BMPR1A: variants seen among roughly 807,000 people sequenced by gnomAD.
BMPR1A encodes the protein bone morphogenetic protein receptor type 1A, also known as bone morphogenetic protein receptor type-1A.
In BMPR1A, 7 loss-of-function variants were observed where a neutral mutation model predicts 66.0. The ratio of observed to expected loss-of-function variants is 0.11; its 90% CI spans 0.06 to 0.20. The LOEUF is 0.20. Among genes scored for constraint, BMPR1A ranks in the 10% least tolerant of loss-of-function variants. BMPR1A has a pLI of 1.00. For synonymous variants in BMPR1A, 200 were observed against 229.7 expected (o/e 0.87, Z 1.17); for missense variants, 408 against 669.1 (o/e 0.61, Z 4.31).
chr10:86,826,735 T>C (rs918920398), intron 1 of BMPR1A, among the ~76,000 whole-genome samples: 1 of 151,988 alleles, frequency 6.6e-6, no homozygotes, highest in African/African-American at 2.4e-5. Flanking sequence ...TTTGTTTTAA[T>C]ATACTTCTGT....
chr10:86,855,813 T>G, intron 2 of BMPR1A: 1 of 1,100,950 alleles, frequency 9.1e-7, no homozygotes, highest in Non-Finnish European at 1.3e-6. Flanking sequence ...CCTGGTAGAA[T>G]GGAGGAAACA....
At chr10:86,852,470 A>AT (rs1842584276) in intron 2 of BMPR1A, among the ~76,000 whole-genome samples, 1 of 152,144 alleles carries the variant, frequency 6.6e-6, no homozygotes, top group South Asian at 2.1e-4. Context: ...GAAAGCTGAG[A>AT]TGGGAGGATT....
At chr10:86,873,436 A>AT (rs1478995982) in intron 2 of BMPR1A, among the ~76,000 whole-genome samples, 1 of 143,964 alleles carries the variant, frequency 6.9e-6, no homozygotes, top group Non-Finnish European at 1.5e-5. Flanking sequence ...CCCCTATTAA[A>AT]TTAAAAAAAA....
At chr10:86,781,748 A>C (rs1053213288) in intron 1 of BMPR1A, among the ~76,000 whole-genome samples, 3 of 151,588 alleles carry the variant, frequency 2.0e-5, no homozygotes, top group Non-Finnish European at 4.4e-5. Flanking sequence ...ATTATTTAAG[A>C]TACCTCATGT....
At chr10:86,895,259 G>A (rs529849449) in intron 5 of BMPR1A, among the ~76,000 whole-genome samples, 5 of 152,138 alleles carry the variant, frequency 3.3e-5, no homozygotes, top group African/African-American at 4.8e-5. Context: ...GCTGATCGTG[G>A]TGGCACGGTG....
At chr10:86,797,832 C>T (rs372626103) in intron 1 of BMPR1A, among the ~76,000 whole-genome samples, 1 of 151,966 alleles carries the variant, frequency 6.6e-6, no homozygotes, top group East Asian at 1.9e-4. Flanking sequence ...TGCATGAGAC[C>T]CGGAAGATGT....
intron 1 of BMPR1A, among the ~76,000 whole-genome samples, chr10:86,820,724 G>A (rs1564694915): frequency 1.3e-5 from 2 of 152,184 alleles, no homozygotes; most frequent in Non-Finnish European, 2.9e-5. Context: ...TGCCTGTTTA[G>A]CACCTGTCAC....
chr10:86,924,605 C>T lies in BMPR1A; in HGVS notation c.*886C>T, dbSNP rs149499991. 16,193 of 233,044 alleles carry T rather than the reference C, an allele frequency of 0.069. 217 individuals carry two copies. The highest frequency in any genetic ancestry group is 0.11 in the Middle Eastern group (86 of 784). The allele number at this position is 233,044 out of a possible 1,614,324, so 14.4% of individuals were successfully genotyped here. A position where few individuals can be genotyped will look rare whatever the true frequency, so the allele number is the denominator to read the frequency against. ...ATGAACCATGCTTACAAAGAAAGCA[C>T]TTCTTATTGAAGTGAATTCCTGCAT... On this transcript the variant is annotated 3_prime_UTR_variant, in exon 13 of 13. Coordinates refer to ENST00000372037, the MANE Select transcript of BMPR1A (RefSeq NM_004329.3).
intron 1 of BMPR1A, among the ~76,000 whole-genome samples, chr10:86,829,920 TAAAG>T (rs1163702364): frequency 2.6e-5 from 4 of 151,588 alleles, no homozygotes; most frequent in Non-Finnish European, 5.9e-5. Context: ...GAGGTGCTGT[TAAAG>T]AAAAAAAAAT....
chr10:86,820,648 C>T (rs1380087014), intron 1 of BMPR1A, among the ~76,000 whole-genome samples: 1 of 152,174 alleles, frequency 6.6e-6, no homozygotes, highest in African/African-American at 2.4e-5. Flanking sequence ...CTTGATACTG[C>T]CATTACCTCA....
intron 2 of BMPR1A, among the ~76,000 whole-genome samples, chr10:86,849,069 T>G (rs1842529573): frequency 6.6e-6 from 1 of 152,234 alleles, no homozygotes; most frequent in South Asian, 2.1e-4. Context: ...CTCACTTCTT[T>G]GCTCTGAAAC....
intron 1 of BMPR1A, among the ~76,000 whole-genome samples, chr10:86,825,277 C>T (rs1842178689): frequency 6.6e-6 from 1 of 150,916 alleles, no homozygotes; most frequent in African/African-American, 2.4e-5. Context: ...CCAAGAAATC[C>T]CATTCTAATG....
chr10:86,888,108 C>T lies in BMPR1A; in HGVS notation c.68-1954C>T, dbSNP rs534944196. Among the ~76,000 whole-genome samples, 11 of 149,678 alleles carry T rather than the reference C, an allele frequency of 7.3e-5. No individual in the cohort carries two copies. In the South Asian group the frequency reaches 2.1e-3, roughly 29 times the overall value. On this transcript the variant is annotated intron_variant, in intron 3 of 12. Coordinates refer to ENST00000372037, the MANE Select transcript of BMPR1A (RefSeq NM_004329.3). The stretch of plus-strand genomic sequence containing the variant: ...TCTGAAAGGAGAGTGGTGTGGGGGG[C>T]GCGGGGATGAGTAATATATGTATGT...
intron 1 of BMPR1A, among the ~76,000 whole-genome samples, chr10:86,804,602 T>G (rs1197961879): frequency 6.6e-6 from 1 of 152,154 alleles, no homozygotes; most frequent in African/African-American, 2.4e-5. Flanking sequence ...AGGACTTTAA[T>G]ATATGAATTT....
At chr10:86,890,247 C>T in intron 4 of BMPR1A, 23 bp downstream of exon 4, 1 of 1,612,706 alleles carries the variant, frequency 6.2e-7, no homozygotes, top group Non-Finnish European at 8.5e-7. Flanking sequence ...TGCAGCCCTT[C>T]TTAAGAGTTA....
At chr10:86,850,103 T>A (rs1374117291) in intron 2 of BMPR1A, among the ~76,000 whole-genome samples, 3 of 152,004 alleles carry the variant, frequency 2.0e-5, no homozygotes, top group Non-Finnish European at 2.9e-5. Context: ...GGTGGATCAC[T>A]TGAGGTCAGG....
intron 2 of BMPR1A, among the ~76,000 whole-genome samples, chr10:86,848,918 C>G (rs1390240792): frequency 6.6e-6 from 1 of 152,202 alleles, no homozygotes; most frequent in Non-Finnish European, 1.5e-5. Context: ...TTTTCTTCCA[C>G]TTCCCTATTC....
intron 7 of BMPR1A, among the ~76,000 whole-genome samples, chr10:86,911,011 C>T (rs563748001): frequency 6.6e-6 from 1 of 152,018 alleles, no homozygotes; most frequent in African/African-American, 2.4e-5. Context: ...AAAAATTAGC[C>T]AGGCGTAGTG....
At chr10:86,917,380 A>G (rs1263690892) in intron 9 of BMPR1A, 54 bp downstream of exon 9, 6 of 1,596,614 alleles carry the variant, frequency 3.8e-6, no homozygotes, top group Non-Finnish European at 5.1e-6. Context: ...AGTGAGGTAC[A>G]GGTGGAAGCC....
Sources: gnomAD v4.1 joint callset for allele counts (sites outside exome capture counted in the v4.1 genomes callset) on GRCh38, gnomAD v4.1.1 for gene constraint, MANE v1.5 for transcripts, NCBI Gene and HGNC (gene_info 2026-07-23, HGNC 2026-07-21) for gene names.